Variants in THSD4 observed in about 807,000 individuals in gnomAD.
THSD4 encodes thrombospondin type-1 domain-containing protein 4.
In THSD4, 69 loss-of-function variants were observed where a neutral mutation model predicts 119.0. The ratio of observed to expected loss-of-function variants is 0.58; its 90% CI spans 0.48 to 0.71. The LOEUF (loss-of-function observed/expected upper bound fraction) is 0.71. Ranked by LOEUF, THSD4 falls within the 30% of genes least tolerant of loss-of-function variation. THSD4 has a pLI of 0.00. For missense variants in THSD4, 1,393 were observed against 1,391.1 expected, an observed-to-expected ratio of 1.00 and a Z score of -0.02; for synonymous variants, 524 against 540.4, an observed-to-expected ratio of 0.97 and a Z score of 0.42.
intron 6 of THSD4, among the ~76,000 whole-genome samples, chr15:71,312,082 C>T (rs768304371): frequency 3.9e-4 from 60 of 152,286 alleles, no homozygotes; most frequent in Non-Finnish European, 6.3e-4. Context: ...TCTTTGTTTC[C>T]CTGCCCTCTG....
intron 8 of THSD4, among the ~76,000 whole-genome samples, chr15:71,699,718 A>G (rs191909816): frequency 6.6e-6 from 1 of 152,292 alleles, no homozygotes; most frequent in African/African-American, 2.4e-5. Context: ...TTTCTATATT[A>G]ATATGACGGT....
rs184691144 is a variant in THSD4, at chr15:71,768,339, A to G, written c.2770-2725A>G. 2.4e-3 allele frequency among the ~76,000 whole-genome samples: 359 copies of G among 152,192 alleles called. 1 individual carries two copies. The highest frequency in any genetic ancestry group is 7.9e-3 in the African/African-American group (327 of 41,542). Reference sequence around the variant, plus strand: ...GTCCAACTTCCAATGTTCAGGAGATATAGAGCATAGAGGAACACGAATTAC... The same window carrying G: ...GTCCAACTTCCAATGTTCAGGAGATGTAGAGCATAGAGGAACACGAATTAC... On this transcript the variant is annotated intron_variant, in intron 16 of 17. Coordinates refer to ENST00000261862, the MANE Select transcript of THSD4 (RefSeq NM_024817.3).
At position 71,215,165 on chromosome 15, in the gene THSD4, C is replaced by G; in HGVS notation, c.230C>G (p.Thr77Arg). 7.3e-7 allele frequency: 1 copy of G among 1,378,216 alleles called. No homozygotes were observed. The highest frequency in any genetic ancestry group is 3.0e-5 in the Admixed American group (1 of 33,318). The allele number at this position is 1,378,216 out of a possible 1,614,324, so 85.4% of individuals were successfully genotyped here. ...TGCAGCGGCGGCGTGATGGAGCAGACGCGGCCCTGCCTGCCCCGCTCCTAC... is the reference window on the plus strand; with the variant it reads ...TGCAGCGGCGGCGTGATGGAGCAGAGGCGGCCCTGCCTGCCCCGCTCCTAC... Reference protein sequence around the residue: ...RSCSGGVMEQTRPCLPRSYRL... With the variant: ...RSCSGGVMEQRRPCLPRSYRL... The change falls in exon 4 of 18, where the codon ACG (threonine) becomes AGG (arginine). Residue 77 changes from threonine to arginine, a missense_variant. Thr to Arg is a moderately conservative substitution (Grantham distance 71). Coordinates refer to ENST00000261862, the MANE Select transcript of THSD4 (RefSeq NM_024817.3).
Position 71,746,985 on chromosome 15 carries a change from C to A in THSD4, c.2184C>A (p.Thr728=), listed in dbSNP as rs754446473. 6.2e-7 allele frequency: 1 copy of A among 1,613,566 alleles called. No individual in the cohort carries two copies. Among genetic ancestry groups the A allele is most frequent in the South Asian group, 1.1e-5 (1 of 91,048 alleles). Residue 728 remains threonine (T), a synonymous_variant, in exon 13 of 18, where the codon ACC becomes ACA. Coordinates refer to ENST00000261862, the MANE Select transcript of THSD4 (RefSeq NM_024817.3). The stretch of plus-strand genomic sequence containing the variant: ...AGCACCTGGAGAAACCTGAGACCAC[C>A]AGCACCTGCCAACTCAAGATCTGCA... ...RCQHLEKPET[T]STCQLKICSE...
intron 7 of THSD4, among the ~76,000 whole-genome samples, chr15:71,615,847 C>T (rs1025869966): frequency 3.3e-5 from 5 of 152,118 alleles, no homozygotes; most frequent in African/African-American, 9.7e-5. Context: ...GCAGGTTGAG[C>T]CCAGCACCCC....
chr15:71,653,055 G>C (rs1275091332), intron 7 of THSD4, among the ~76,000 whole-genome samples: 2 of 152,190 alleles, frequency 1.3e-5, no homozygotes, highest in Non-Finnish European at 2.9e-5. Context: ...AGTTCGAAGA[G>C]CAGGTTGGTC....
intron 5 of THSD4, among the ~76,000 whole-genome samples, chr15:71,249,411 C>CAT (rs371956679): frequency 0.12 from 13,821 of 118,080 alleles, 2,278 homozygotes; most frequent in African/African-American, 0.28. Context: ...TTATTGACTT[C>CAT]ATATATATAT....
chr15:71,768,095 T>G (rs1260822257), intron 16 of THSD4, among the ~76,000 whole-genome samples: 2 of 152,170 alleles, frequency 1.3e-5, no homozygotes, highest in African/African-American at 2.4e-5. Context: ...GTGTTTATGC[T>G]TTCTTTCTTA....
chr15:71,449,993 G>A (rs2047240273), intron 7 of THSD4, among the ~76,000 whole-genome samples: 1 of 152,212 alleles, frequency 6.6e-6, no homozygotes, highest in Non-Finnish European at 1.5e-5. Context: ...AATGCAAAGA[G>A]GTGGATTGGG....
chr15:71,286,467 G>A (rs780156152), intron 6 of THSD4, among the ~76,000 whole-genome samples: 2 of 152,170 alleles, frequency 1.3e-5, no homozygotes, highest in African/African-American at 4.8e-5. Flanking sequence ...CTCCATCCAT[G>A]TCCCTGCAAA....
chr15:71,655,577 A>G (rs1211877259), intron 7 of THSD4, among the ~76,000 whole-genome samples: 2 of 152,188 alleles, frequency 1.3e-5, no homozygotes, highest in African/African-American at 4.8e-5. Context: ...TCTGCTAATT[A>G]CATTCTATGT....
intron 6 of THSD4, among the ~76,000 whole-genome samples, chr15:71,257,502 G>T (rs1196510732): frequency 2.6e-5 from 4 of 152,120 alleles, no homozygotes; most frequent in Non-Finnish European, 5.9e-5. Flanking sequence ...GCCCTTCTCA[G>T]CTTCAGCCCG....
At chr15:71,220,544 A>G (rs907551012) in intron 4 of THSD4, among the ~76,000 whole-genome samples, 8 of 152,326 alleles carry the variant, frequency 5.3e-5, no homozygotes, top group African/African-American at 1.9e-4. Flanking sequence ...TAATTCAATG[A>G]AATAATACAT....
At chr15:71,132,200 T>C (rs1205676065) in intron 1 of THSD4, among the ~76,000 whole-genome samples, 3 of 152,240 alleles carry the variant, frequency 2.0e-5, no homozygotes, top group Non-Finnish European at 4.4e-5. Flanking sequence ...TCATACCTTT[T>C]GGCTTAATGA....
At chr15:71,618,301 C>T (rs1443881483) in intron 7 of THSD4, among the ~76,000 whole-genome samples, 1 of 152,284 alleles carries the variant, frequency 6.6e-6, no homozygotes, top group East Asian at 1.9e-4. Context: ...AGTAAGCAAT[C>T]CCACTTCCAG....
chr15:71,417,425 A>G, intron 7 of THSD4, among the ~76,000 whole-genome samples: 1 of 108,538 alleles, frequency 9.2e-6, no homozygotes, highest in Non-Finnish European at 2.0e-5. Context: ...GGTGAGAGAT[A>G]GGAGTTTAGT....
At chr15:71,695,063 C>T (rs567593927) in intron 8 of THSD4, among the ~76,000 whole-genome samples, 19 of 152,304 alleles carry the variant, frequency 1.2e-4, no homozygotes, top group South Asian at 6.2e-4. Context: ...AAACCTCCCA[C>T]GGAATACGCA....
chr15:71,717,648 G>A (rs1393146391), intron 8 of THSD4, among the ~76,000 whole-genome samples: 1 of 151,548 alleles, frequency 6.6e-6, no homozygotes, highest in African/African-American at 2.4e-5. Flanking sequence ...TCAAAGAACA[G>A]GGCATAGACA....
At chr15:71,324,804 C>T (rs59262167) in intron 6 of THSD4, among the ~76,000 whole-genome samples, 1,716 of 152,270 alleles carry the variant, frequency 0.011, 45 homozygotes, top group African/African-American at 0.038. Flanking sequence ...ATAATGACTT[C>T]TTTTCCTTTG....
Sources: gnomAD v4.1 joint callset for allele counts (sites outside exome capture counted in the v4.1 genomes callset) on GRCh38, gnomAD v4.1.1 for gene constraint, MANE v1.5 for transcripts, NCBI Gene and HGNC (gene_info 2026-07-23, HGNC 2026-07-21) for gene names.